Variants in SPAG17 observed in about 807,000 individuals in gnomAD.
SPAG17 encodes the protein sperm associated antigen 17, also known as sperm-associated antigen 17.
SPAG17 carries 169 observed loss-of-function variants against 273.6 expected under a neutral mutation model. The observed-to-expected ratio is 0.62, with a 90% confidence interval of 0.55 to 0.70. The LOEUF is 0.70. Ranked by LOEUF, SPAG17 falls within the 30% of genes least tolerant of loss-of-function variation. The pLI, the probability that SPAG17 is intolerant of heterozygous loss-of-function variation, is 0.00. For missense variants in SPAG17, 2,557 were observed against 2,627.8 expected (o/e 0.97, Z 0.59); for synonymous variants, 825 against 873.2 (o/e 0.94, Z 0.97).
chr1:118,074,946 A>G (rs1247266359), intron 15 of SPAG17, among the ~76,000 whole-genome samples: 12 of 152,218 alleles, frequency 7.9e-5, no homozygotes. Context: ...ACTTCTTAGT[A>G]CACATGATTT....
intron 5 of SPAG17, 62 bp downstream of exon 5, chr1:118,101,678 T>C: frequency 6.7e-7 from 1 of 1,502,964 alleles, no homozygotes; most frequent in Non-Finnish European, 9.1e-7. Flanking sequence ...TTAACTGGTC[T>C]CATTTTATTG....
At chr1:118,007,738 A>T (rs962850969) in intron 31 of SPAG17, among the ~76,000 whole-genome samples, 1 of 152,206 alleles carries the variant, frequency 6.6e-6, no homozygotes, top group Non-Finnish European at 1.5e-5. Flanking sequence ...AAACCATCTA[A>T]GTGTTTCTAA....
chr1:117,977,580 A>G lies in SPAG17; in HGVS notation c.6004+3690T>C, dbSNP rs935540147. The stretch of plus-strand genomic sequence containing the variant: ...TTTATTTTTCAAGACCATTCCTCCC[A>G]TAAAGCTTTCTCCACTGCTTTGTGT... On this transcript the variant is annotated intron_variant, in intron 43 of 48. Coordinates refer to ENST00000336338, the MANE Select transcript of SPAG17 (RefSeq NM_206996.4). Among the ~76,000 whole-genome samples, 4 of 152,202 alleles carry G rather than the reference A, an allele frequency of 2.6e-5. No individual in the cohort carries two copies. The East Asian group carries it at 5.8e-4, about 22-fold the overall frequency.
chr1:118,097,522 A>G (rs1655787189), intron 7 of SPAG17, 148 bp downstream of exon 7: 1 of 491,060 alleles, frequency 2.0e-6, no homozygotes, highest in South Asian at 7.0e-5. Context: ...TGAGCATTCC[A>G]TATTATCATT....
chr1:118,106,879 G>A (rs1241975330), intron 4 of SPAG17, among the ~76,000 whole-genome samples: 1 of 152,176 alleles, frequency 6.6e-6, no homozygotes, highest in East Asian at 1.9e-4. Context: ...AGCCACATAA[G>A]TCTCATCCCT....
chr1:118,015,899 T>C, intron 29 of SPAG17, 66 bp downstream of exon 29: 2 of 1,394,240 alleles, frequency 1.4e-6, no homozygotes, highest in Non-Finnish European at 2.0e-6. Context: ...CTAGGCACTC[T>C]TTTGGGTGTT....
chr1:118,147,806 A>C (rs1248142345), intron 3 of SPAG17, among the ~76,000 whole-genome samples: 1 of 152,190 alleles, frequency 6.6e-6, no homozygotes, highest in Non-Finnish European at 1.5e-5. Context: ...AGACATTTGG[A>C]GTCATTATTG....
At chr1:118,001,775 C>T (rs763257286) in intron 32 of SPAG17, among the ~76,000 whole-genome samples, 1 of 152,156 alleles carries the variant, frequency 6.6e-6, no homozygotes, top group Non-Finnish European at 1.5e-5. Flanking sequence ...AAACCAGCTC[C>T]TGGCAATTCA....
In SPAG17 at chr1:118,147,385, C is replaced by T. The variant is rs1299730172; in HGVS notation, c.315+3158G>A. Among the ~76,000 whole-genome samples the T allele has an allele frequency of 2.0e-5, 3 of 152,086 alleles. No homozygotes were observed. The East Asian group carries it at 5.8e-4, about 29-fold the overall frequency. On this transcript the variant is annotated intron_variant, in intron 3 of 48. Transcript: ENST00000336338. ...CATGTGGGAAATGGTGCTTATATGCCAGTGCATGGGTTCATCTTCATCCTC... is the reference window on the plus strand; with the variant it reads ...CATGTGGGAAATGGTGCTTATATGCTAGTGCATGGGTTCATCTTCATCCTC...
intron 25 of SPAG17, among the ~76,000 whole-genome samples, chr1:118,031,155 T>C (rs1557931427): frequency 6.7e-6 from 1 of 149,970 alleles, no homozygotes; most frequent in Non-Finnish European, 1.5e-5. Context: ...GATGAAGGGC[T>C]AGGGGTAATA....
chr1:118,049,354 C>T (rs1350251493), intron 20 of SPAG17, among the ~76,000 whole-genome samples: 3 of 152,180 alleles, frequency 2.0e-5, no homozygotes, highest in Non-Finnish European at 4.4e-5. Context: ...TTCAACAGCA[C>T]ATTTGAAAGG....
In SPAG17 at chr1:117,990,763, G is replaced by A. The variant is rs1310051384; in HGVS notation, c.5521+98C>T. 17 of 742,238 alleles carry A rather than the reference G, an allele frequency of 2.3e-5. No individual in the cohort carries two copies. In the Admixed American group the frequency reaches 3.1e-4, roughly 13 times the overall value. The allele number at this position is 742,238 out of a possible 1,614,324, so 46.0% of individuals were successfully genotyped here. A position where few individuals can be genotyped will look rare whatever the true frequency, so the allele number is the denominator to read the frequency against. On this transcript the variant is annotated intron_variant, in intron 38 of 48. Coordinates refer to ENST00000336338, the MANE Select transcript of SPAG17 (RefSeq NM_206996.4). ...ACAAGAATGGAGATATGTACATGGT[G>A]TCTTGTTATCAGATAAGAGAATGAC...
At chr1:117,983,943 T>C in intron 41 of SPAG17, 30 bp from the exon 42 acceptor site, 1 of 1,177,416 alleles carries the variant, frequency 8.5e-7, no homozygotes, top group Non-Finnish European at 1.3e-6. Context: ...TATTTTAGAC[T>C]TATACATGGC....
intron 24 of SPAG17, 129 bp downstream of exon 24, chr1:118,036,641 C>A (rs374827726): frequency 1.6e-6 from 1 of 643,052 alleles, no homozygotes; most frequent in East Asian, 2.8e-5. Context: ...CTATTACCAT[C>A]CTGCAGGAAA....
intron 15 of SPAG17, among the ~76,000 whole-genome samples, chr1:118,076,873 A>C (rs1456278778): frequency 6.6e-6 from 1 of 152,056 alleles, no homozygotes; most frequent in East Asian, 1.9e-4. Context: ...TACTTTAGAG[A>C]TAACAAGATC....
chr1:117,995,695 AACACACACACACAC>A (rs10570645), intron 34 of SPAG17, among the ~76,000 whole-genome samples: 171 of 140,834 alleles, frequency 1.2e-3, no homozygotes, highest in South Asian at 2.9e-3. Flanking sequence ...AAGATGAAAT[AACACACACACACAC>A]ACACACACAC....
chr1:118,097,464 T>C (rs1570688291), intron 7 of SPAG17, among the ~76,000 whole-genome samples: 1 of 152,216 alleles, frequency 6.6e-6, no homozygotes, highest in Non-Finnish European at 1.5e-5. Context: ...TTATTATTTG[T>C]TGTTAATTCA....
At chr1:118,131,823 C>T (rs1001167169) in intron 3 of SPAG17, among the ~76,000 whole-genome samples, 11 of 152,200 alleles carry the variant, frequency 7.2e-5, no homozygotes, top group African/African-American at 2.7e-4. Context: ...TATAGCTGGA[C>T]TCTTCCTGTG....
chr1:118,154,617 G>GA (rs1315520653), intron 1 of SPAG17, among the ~76,000 whole-genome samples: 16 of 151,818 alleles, frequency 1.1e-4, no homozygotes, highest in Admixed American at 3.9e-4. Context: ...TAAAAAACTT[G>GA]AAAAAAATCA....
Sources: allele counts gnomAD v4.1 joint callset (sites outside exome capture counted in the v4.1 genomes callset), GRCh38; gene constraint gnomAD v4.1.1; transcripts MANE v1.5; gene names NCBI Gene and HGNC (gene_info 2026-07-23, HGNC 2026-07-21).